The following CLCN3 variants were observed in gnomAD, a reference collection of about 807,000 sequenced individuals.
CLCN3 encodes the protein Cl-/H+ antiporter 3.
CLCN3 carries 16 observed loss-of-function variants against 83.4 expected under a neutral mutation model. That is an observed-to-expected ratio of 0.19 (90% confidence interval 0.13 to 0.29). The LOEUF (loss-of-function observed/expected upper bound fraction) is 0.29, where lower values mean the gene tolerates loss of function less well. CLCN3 is among the 10% of genes least tolerant of loss of function. The pLI, the probability that CLCN3 is intolerant of heterozygous loss-of-function variation, is 1.00. For synonymous variants in CLCN3, 322 were observed against 346.2 expected (o/e 0.93, Z 0.78); for missense variants, 544 against 1,006.0 (o/e 0.54, Z 6.21).
At chr4:169,711,866 T>C (rs1364427359) in intron 11 of CLCN3, among the ~76,000 whole-genome samples, 2 of 152,108 alleles carry the variant, frequency 1.3e-5, no homozygotes, top group African/African-American at 4.8e-5. Flanking sequence ...TCAAAAAATA[T>C]ATTTTTTTTT....
intron 3 of CLCN3, among the ~76,000 whole-genome samples, chr4:169,685,705 GTGAC>G (rs1288001575): frequency 2.0e-5 from 3 of 152,116 alleles, no homozygotes; most frequent in Non-Finnish European, 4.4e-5. Flanking sequence ...AACTACTTAA[GTGAC>G]TGACTATGAT....
rs1443092770 is a variant in CLCN3 at position 169,722,722 on chromosome 4, T to A, written c.*2725T>A. The A allele has an allele frequency of 3.3e-5, 5 of 152,236 alleles. No individual in the cohort carries two copies. The highest frequency in any genetic ancestry group is 1.2e-4 in the African/African-American group (5 of 41,452). 9.4% of individuals were successfully genotyped at this position (152,236 alleles called of 1,614,324 possible). A position where few individuals can be genotyped will look rare whatever the true frequency, so the allele number is the denominator to read the frequency against. ...GCATTAATTTTGTTTTTTGGTATATTTCTATCCCTAGTATTTCTATCTTAC... is the reference window on the plus strand; with the variant it reads ...GCATTAATTTTGTTTTTTGGTATATATCTATCCCTAGTATTTCTATCTTAC... On this transcript the variant is annotated 3_prime_UTR_variant, in exon 13 of 13. Coordinates refer to ENST00000513761, the MANE Select transcript of CLCN3 (RefSeq NM_001829.4).
intron 2 of CLCN3, among the ~76,000 whole-genome samples, chr4:169,671,130 A>G (rs1382045720): frequency 5.9e-5 from 9 of 152,342 alleles, no homozygotes; most frequent in African/African-American, 2.2e-4. Flanking sequence ...TCATTCTGCT[A>G]TAAAGACACA....
At chr4:169,663,637 G>A in intron 2 of CLCN3, 1 of 430,622 alleles carries the variant, frequency 2.3e-6, no homozygotes, top group African/African-American at 2.1e-5. Context: ...ACTGTGCCTG[G>A]CTTGTTCTAA....
intron 9 of CLCN3, among the ~76,000 whole-genome samples, chr4:169,701,520 A>T (rs748959311): frequency 2.0e-5 from 3 of 152,082 alleles, no homozygotes; most frequent in Non-Finnish European, 4.4e-5. Flanking sequence ...GAACATTTTC[A>T]ATTTATTTTG....
intron 2 of CLCN3, among the ~76,000 whole-genome samples, chr4:169,647,694 G>A (rs773438398): frequency 6.6e-6 from 1 of 152,172 alleles, no homozygotes; most frequent in Non-Finnish European, 1.5e-5. Flanking sequence ...AAGGATATAA[G>A]TTGACATAAA....
At chr4:169,656,621 A>G (rs777296080) in intron 2 of CLCN3, among the ~76,000 whole-genome samples, 1 of 152,180 alleles carries the variant, frequency 6.6e-6, no homozygotes, top group Non-Finnish European at 1.5e-5. Context: ...ACCTGCTTCT[A>G]TTAATTAGAG....
At chr4:169,676,298 A>G (rs1731672561) in intron 2 of CLCN3, among the ~76,000 whole-genome samples, 1 of 152,188 alleles carries the variant, frequency 6.6e-6, no homozygotes, top group South Asian at 2.1e-4. Flanking sequence ...ATTTTTCAGT[A>G]TTACAGATAA....
intron 2 of CLCN3, among the ~76,000 whole-genome samples, chr4:169,659,767 ACCTT>A (rs1730987688): frequency 1.3e-5 from 2 of 151,980 alleles, no homozygotes; most frequent in African/African-American, 4.8e-5. Flanking sequence ...TTCTTGAGAA[ACCTT>A]TGGCATATTG....
At chr4:169,667,709 A>G (rs187805977) in intron 2 of CLCN3, among the ~76,000 whole-genome samples, 30 of 115,374 alleles carry the variant, frequency 2.6e-4, no homozygotes, top group African/African-American at 7.5e-4. Context: ...CTCAATATAC[A>G]GTTGTAGAAG....
intron 9 of CLCN3, chr4:169,702,795 A>AAAAAAAAAG: frequency 6.6e-6 from 2 of 300,926 alleles, no homozygotes; most frequent in Non-Finnish European, 1.3e-5. Flanking sequence ...AAAAAAAAAA[A>AAAAAAAAAG]AAGAAAGCCA....
chr4:169,693,384 G>A (rs1320279495), intron 7 of CLCN3, among the ~76,000 whole-genome samples: 1 of 152,148 alleles, frequency 6.6e-6, no homozygotes, highest in Non-Finnish European at 1.5e-5. Context: ...TACTGTGGCA[G>A]ATACTTTACT....
rs76825334 is a variant in CLCN3, at chr4:169,652,853, A to T, written c.160+16765A>T. The stretch of plus-strand genomic sequence containing the variant: ...TAAATTTGCATTTTCTTTGTAGTCA[A>T]AGAGATGTAGCATCTTTTCATGTCT... On this transcript the variant is annotated intron_variant, in intron 2 of 12. Coordinates refer to ENST00000513761, the MANE Select transcript of CLCN3 (RefSeq NM_001829.4). Among the ~76,000 whole-genome samples, 640 of 152,346 alleles carry T rather than the reference A, an allele frequency of 4.2e-3. 7 individuals are homozygous for T. The highest frequency in any genetic ancestry group is 0.036 in the South Asian group (173 of 4,828).
chr4:169,660,207 T>G, intron 2 of CLCN3: 1 of 1,200,878 alleles, frequency 8.3e-7, no homozygotes, highest in African/African-American at 1.6e-5. Flanking sequence ...TCATCCACTG[T>G]GGAAGAACCC....
intron 3 of CLCN3, among the ~76,000 whole-genome samples, chr4:169,687,431 T>A (rs7677075): frequency 0.098 from 14,910 of 151,986 alleles, 910 homozygotes; most frequent in East Asian, 0.17. Context: ...AGAAAAAAAA[T>A]TTTTTAATAA....
chr4:169,689,540 C>G (rs1732284750), intron 5 of CLCN3, among the ~76,000 whole-genome samples: 3 of 152,094 alleles, frequency 2.0e-5, no homozygotes, highest in Non-Finnish European at 2.9e-5. Flanking sequence ...GTTATTAAAA[C>G]TAATATATTA....
At chr4:169,628,662 G>A (rs990376922) in intron 1 of CLCN3, among the ~76,000 whole-genome samples, 5 of 152,194 alleles carry the variant, frequency 3.3e-5, no homozygotes, top group African/African-American at 9.6e-5. Flanking sequence ...TGCTGGCAAC[G>A]AGGTCAAGAA....
At chr4:169,651,516 A>G (rs555690697) in intron 2 of CLCN3, among the ~76,000 whole-genome samples, 44 of 152,284 alleles carry the variant, frequency 2.9e-4, no homozygotes, top group Admixed American at 7.2e-4. Context: ...CAAGTCCCCT[A>G]TATAAAATGA....
chr4:169,689,219 G>A lies in CLCN3; in HGVS notation c.595G>A (p.Gly199Ser). Reference protein sequence around the residue: ...QWKTWAELIIGQAEGPGSYIM... With the variant: ...QWKTWAELIISQAEGPGSYIM... ...GAAAACATGGGCAGAATTAATCATA[G>A]GTCAAGCAGAGGTAAGTCTTGCTTT... is the stretch of plus-strand genomic sequence containing the variant. Residue 199 changes from glycine (G) to serine (S), a missense_variant, in exon 5 of 13, where the codon GGT becomes AGT. By Grantham distance (56) the Gly-to-Ser change is moderately conservative. This residue lies in a region of CLCN3 where 96 missense variants were observed against 202.1 expected (regional missense o/e 0.48). Coordinates refer to ENST00000513761, the MANE Select transcript of CLCN3 (RefSeq NM_001829.4). 6.2e-7 allele frequency: 1 copy of A among 1,611,088 alleles called. No individual in the cohort carries two copies. Among genetic ancestry groups the A allele is most frequent in the Non-Finnish European group, 8.5e-7 (1 of 1,178,508 alleles).
Sources: gnomAD v4.1 joint callset for allele counts (sites outside exome capture counted in the v4.1 genomes callset) on GRCh38, gnomAD v4.1.1 for gene constraint, gnomAD v4.1.1 regional missense constraint, MANE v1.5 for transcripts, NCBI Gene and HGNC (gene_info 2026-07-23, HGNC 2026-07-21) for gene names.